SLC38A3: variants seen among roughly 807,000 people sequenced by gnomAD.
SLC38A3 encodes solute carrier family 38 member 3, also known as sodium-coupled neutral amino acid transporter 3.
In SLC38A3, 17 loss-of-function variants were observed where a neutral mutation model predicts 59.5. That is an observed-to-expected ratio of 0.29 (90% CI 0.20 to 0.43). The LOEUF (loss-of-function observed/expected upper bound fraction) is 0.43. SLC38A3 is among the 20% of genes least tolerant of loss of function. SLC38A3 has a pLI of 1.00. For synonymous variants in SLC38A3, 238 were observed against 260.3 expected (o/e 0.91, Z 0.82); for missense variants, 454 against 653.9 (o/e 0.69, Z 3.33).
In SLC38A3 at chr3:50,217,316, G is replaced by A. The variant is rs1316587372; in HGVS notation, c.627G>A (p.Gln209=). 1.2e-6 allele frequency: 2 copies of A among 1,613,344 alleles called. No individual in the cohort carries two copies. The highest frequency in any genetic ancestry group is 3.3e-5 in the Admixed American group (2 of 59,926). The change falls in exon 8 of 16, where the codon CAG becomes CAA. Residue 209 remains glutamine, a synonymous_variant. Transcript: ENST00000614032. The surrounding 1 kb of genome is among the most constrained non-coding windows in gnomAD (Gnocchi z 4.9). ...TIILPLALMR[Q]LGYLGYSSGF... ...TTCTGCCCCTGGCACTGATGCGGCA[G>A]CTTGGTGAGTGTGGAAGGGTCAGAG...
chr3:50,209,444 C>G (rs926036120), intron 1 of SLC38A3, among the ~76,000 whole-genome samples: 5 of 152,070 alleles, frequency 3.3e-5, no homozygotes, highest in Non-Finnish European at 5.9e-5. Flanking sequence ...GTCAGGAGAT[C>G]GAGACCATCC....
intron 1 of SLC38A3, among the ~76,000 whole-genome samples, chr3:50,211,082 C>T (rs1036317701): frequency 1.4e-4 from 21 of 152,202 alleles, no homozygotes; most frequent in African/African-American, 4.8e-4. Context: ...CCAAGCCCAG[C>T]CCTAGAGGGT....
At chr3:50,213,114 G>C (rs1056416297) in intron 1 of SLC38A3, among the ~76,000 whole-genome samples, 3 of 152,328 alleles carry the variant, frequency 2.0e-5, no homozygotes, top group Non-Finnish European at 4.4e-5. Flanking sequence ...CAGCGGGCAG[G>C]GGTGGTGGAG....
chr3:50,219,828 C>T, intron 14 of SLC38A3, 53 bp from the exon 15 acceptor site: 1 of 1,468,836 alleles, frequency 6.8e-7, no homozygotes, highest in Non-Finnish European at 9.4e-7. Context: ...ACCCCCGAAC[C>T]TTAGTCAGTA....
chr3:50,213,222 A>G (rs1412844386), intron 1 of SLC38A3, among the ~76,000 whole-genome samples: 5 of 152,080 alleles, frequency 3.3e-5, no homozygotes, highest in African/African-American at 1.2e-4. Flanking sequence ...CAGCCGGCCA[A>G]GGGCCTGAGC....
Position 50,215,629 on chromosome 3 carries a change from C to T in SLC38A3, c.459C>T (p.Asn153=), listed in dbSNP as rs771019009. The change falls in exon 6 of 16, where the codon AAC becomes AAT. Residue 153 remains asparagine (N), a synonymous_variant. Transcript: ENST00000614032. The surrounding 1 kb of genome is among the most constrained non-coding windows in gnomAD (Gnocchi z 7.1). ...LAAALAITLQ[N]IGAMSSYLYI... is the part of the protein sequence containing the mutation. ...CAGCCCTGGCCATCACGCTCCAGAACATCGGAGGTAAGAGCAGTGGGCAGG... is the reference window on the plus strand; with the variant it reads ...CAGCCCTGGCCATCACGCTCCAGAATATCGGAGGTAAGAGCAGTGGGCAGG... 1.9e-6 allele frequency: 3 copies of T among 1,613,718 alleles called. No individual in the cohort carries two copies. The highest frequency in any genetic ancestry group is 8.5e-7 in the Non-Finnish European group (1 of 1,179,860).
At chr3:50,213,092 G>T (rs929094040) in intron 1 of SLC38A3, among the ~76,000 whole-genome samples, 2 of 152,220 alleles carry the variant, frequency 1.3e-5, no homozygotes, top group Non-Finnish European at 2.9e-5. Flanking sequence ...AGGGGCCAGT[G>T]AGTTGTCTGG....
intron 1 of SLC38A3, among the ~76,000 whole-genome samples, chr3:50,206,457 G>T (rs1247306690): frequency 1.3e-5 from 2 of 152,244 alleles, no homozygotes; most frequent in African/African-American, 4.8e-5. Flanking sequence ...AAAAGGTCTG[G>T]GATGGGGCTC....
At chr3:50,209,491 T>C (rs1472663831) in intron 1 of SLC38A3, among the ~76,000 whole-genome samples, 1 of 151,394 alleles carries the variant, frequency 6.6e-6, no homozygotes, top group Non-Finnish European at 1.5e-5. Context: ...TACTAAAAAA[T>C]ACAAAAAATT....
intron 7 of SLC38A3, among the ~76,000 whole-genome samples, chr3:50,216,755 C>CTTTTG (rs1699824507): frequency 1.6e-5 from 2 of 122,024 alleles, no homozygotes; most frequent in Admixed American, 8.5e-5. Context: ...GAAGGCACGC[C>CTTTTG]CTTTGTTTTG....
At chr3:50,210,967 T>G (rs1265915913) in intron 1 of SLC38A3, among the ~76,000 whole-genome samples, 1 of 152,102 alleles carries the variant, frequency 6.6e-6, no homozygotes, top group African/African-American at 2.4e-5. Flanking sequence ...GGCTCCTCAC[T>G]CATCCCCAGC....
At chr3:50,205,588 C>T (rs1381617392) in intron 1 of SLC38A3, among the ~76,000 whole-genome samples, 8 of 152,268 alleles carry the variant, frequency 5.3e-5, no homozygotes, top group Non-Finnish European at 7.3e-5. Context: ...GGGAGGGACA[C>T]GTCGTCGCCT....
At chr3:50,219,817 C>A in intron 14 of SLC38A3, 64 bp from the exon 15 acceptor site, 1 of 1,348,912 alleles carries the variant, frequency 7.4e-7, no homozygotes, top group Non-Finnish European at 1.0e-6. Context: ...TTGAAGAGTC[C>A]ACCCCCGAAC....
chr3:50,218,343 G>T lies in SLC38A3; in HGVS notation c.1009G>T (p.Ala337Ser), dbSNP rs1361754764. 6.2e-7 allele frequency: 1 copy of T among 1,612,690 alleles called. No individual in the cohort carries two copies. Among genetic ancestry groups the T allele is most frequent in the African/African-American group, 1.3e-5 (1 of 75,004 alleles). Residue 337 changes from alanine to serine, a missense_variant, in exon 12 of 16, where the codon GCC becomes TCC. Physicochemically the swap from Ala to Ser is moderately conservative, Grantham distance 99 (BLOSUM62 1). This residue lies in a region of SLC38A3 where 390 missense variants were observed against 557.9 expected (regional missense o/e 0.70). Transcript: ENST00000614032. The surrounding 1 kb of genome is among the most constrained non-coding windows in gnomAD (Gnocchi z 5.8). ...AVMYIMYFLA[A>S]LFGYLTFYNG... The stretch of plus-strand genomic sequence containing the variant: ...CATGTACATCATGTACTTCCTGGCT[G>T]CCCTCTTCGGCTACCTCACCTTCTA...
intron 1 of SLC38A3, among the ~76,000 whole-genome samples, chr3:50,209,658 AAAC>A (rs891700402): frequency 1.3e-5 from 2 of 151,814 alleles, no homozygotes; most frequent in Non-Finnish European, 2.9e-5. Context: ...CAAAAAAAAA[AAAC>A]AAGAAAAAAA....
rs1431472719 is a variant in SLC38A3, at chr3:50,219,072, C to T, written c.1306+124C>T. On this transcript the variant is annotated intron_variant, in intron 14 of 15. Coordinates refer to ENST00000614032, the MANE Select transcript of SLC38A3 (RefSeq NM_006841.6). ...GCAGTGGCCATGTGCACAGTTTGGC[C>T]TTCCATCTGAGCTTTTGTCCATAGG... The T allele has an allele frequency of 3.2e-6, 4 of 1,236,526 alleles. No individual in the cohort carries two copies. In the East Asian group the frequency reaches 7.5e-5, roughly 23 times the overall value. 76.6% of individuals were successfully genotyped at this position (1,236,526 alleles called of 1,614,324 possible). A position where few individuals can be genotyped will look rare whatever the true frequency, so the allele number is the denominator to read the frequency against.
In SLC38A3 at chr3:50,205,271, G is replaced by GTCGCTGTTT; in HGVS notation, c.-129_-128insTCGCTGTTT. 1 of 152,390 alleles carries GTCGCTGTTT rather than the reference G, an allele frequency of 6.6e-6. No homozygotes were observed. Among genetic ancestry groups the GTCGCTGTTT allele is most frequent in the Admixed American group, 6.5e-5 (1 of 15,312 alleles). The allele number at this position is 152,390 out of a possible 1,614,324, so 9.4% of individuals were successfully genotyped here. On this transcript the variant is annotated 5_prime_UTR_variant, in exon 1 of 16. Coordinates refer to ENST00000614032, the MANE Select transcript of SLC38A3 (RefSeq NM_006841.6). ...ATCCCGCGTCGCTGTTGTCGCTGTT[G>GTCGCTGTTT]CAGCCGAGTTCAGCCGGGAGCAGAG...
In SLC38A3 at chr3:50,215,573, C is replaced by G; in HGVS notation, c.403C>G (p.Arg135Gly). Residue 135 changes from arginine to glycine, a missense_variant, in exon 6 of 16, where the codon CGT becomes GGT. By Grantham distance (125) the Arg-to-Gly change is moderately radical (BLOSUM62 -2). Around this residue, in one of 3 missense-constraint regions of SLC38A3, gnomAD observed 390 missense variants for 557.9 expected, o/e 0.70. Coordinates refer to ENST00000614032, the MANE Select transcript of SLC38A3 (RefSeq NM_006841.6). The surrounding 1 kb of genome is among the most constrained non-coding windows in gnomAD (Gnocchi z 7.1). ...GIRAYEQLGY[R>G]AFGTPGKLAA... ...CCGTGCCTATGAGCAGCTGGGCTACCGTGCCTTTGGGACCCCAGGAAAGCT... is the reference window on the plus strand; with the variant it reads ...CCGTGCCTATGAGCAGCTGGGCTACGGTGCCTTTGGGACCCCAGGAAAGCT... The G allele has an allele frequency of 6.2e-7, 1 of 1,613,820 alleles. No individual in the cohort carries two copies. The highest frequency in any genetic ancestry group is 8.5e-7 in the Non-Finnish European group (1 of 1,179,874).
chr3:50,217,602 G>C lies in SLC38A3; in HGVS notation c.691-74G>C, dbSNP rs1005493375. The C allele has an allele frequency of 2.6e-5, 42 of 1,593,266 alleles. No individual in the cohort carries two copies. The highest frequency in any genetic ancestry group is 3.5e-5 in the Non-Finnish European group (41 of 1,164,820). ...AGGCAGCTCCACCAGTCCTGATCTA[G>C]ATGTGGCTTCATGGTGACTTCCCAG... On this transcript the variant is annotated intron_variant, in intron 9 of 15. Transcript: ENST00000614032. The surrounding 1 kb of genome is among the most constrained non-coding windows in gnomAD (Gnocchi z 4.9).
Sources: gnomAD v4.1 joint callset for allele counts (sites outside exome capture counted in the v4.1 genomes callset) on GRCh38, gnomAD v4.1.1 for gene constraint, gnomAD v4.1.1 regional missense constraint, Gnocchi (gnomAD v3.1) non-coding constraint, MANE v1.5 for transcripts, NCBI Gene and HGNC (gene_info 2026-07-23, HGNC 2026-07-21) for gene names.